ACADL: variants seen among roughly 807,000 people sequenced by gnomAD.
The protein encoded by ACADL is acyl-CoA dehydrogenase long chain.
ACADL carries 60 observed loss-of-function variants against 56.9 expected under a neutral mutation model. That is an observed-to-expected ratio of 1.05 (90% confidence interval 0.86 to 1.31). The LOEUF is 1.31. Ranked by LOEUF, ACADL falls within the 50% of genes most tolerant of loss-of-function variation. The pLI, the probability that ACADL is intolerant of heterozygous loss-of-function variation, is 0.00. For missense variants in ACADL, 484 were observed against 525.5 expected (o/e 0.92, Z 0.77); for synonymous variants, 158 against 179.7 (o/e 0.88, Z 0.97).
chr2:210,205,429 C>A (rs144013404), intron 6 of ACADL, among the ~76,000 whole-genome samples: 126 of 152,156 alleles, frequency 8.3e-4, no homozygotes, highest in East Asian at 4.8e-3. Context: ...ATTCAAAATA[C>A]CTTGATTCAT....
In ACADL at chr2:210,205,637, C is replaced by A. The variant is rs946395644; in HGVS notation, c.763G>T (p.Ala255Ser). The change falls in exon 6 of 11, where the codon GCC (alanine) becomes TCC (serine). Residue 255 changes from alanine (A) to serine (S), a missense_variant. Ala to Ser is a moderately conservative substitution (Grantham distance 99, BLOSUM62 1). Coordinates refer to ENST00000233710, the MANE Select transcript of ACADL (RefSeq NM_001608.4). ...TGATTTACATTATCACTCACCTGGGCTTTTAATCCCATTTTATGTAGCTTT... is the reference window on the plus strand; with the variant it reads ...TGATTTACATTATCACTCACCTGGGATTTTAATCCCATTTTATGTAGCTTT... ...GRKLHKMGLK[A>S]QDTAELFFED... 6.2e-7 allele frequency: 1 copy of A among 1,613,770 alleles called. No homozygotes were observed. The highest frequency in any genetic ancestry group is 8.5e-7 in the Non-Finnish European group (1 of 1,179,822).
chr2:210,210,203 C>G lies in ACADL; in HGVS notation c.596G>C (p.Gly199Ala). 1 of 1,612,014 alleles carries G rather than the reference C, an allele frequency of 6.2e-7. No homozygotes were observed. Among genetic ancestry groups the G allele is most frequent in the Non-Finnish European group, 8.5e-7 (1 of 1,178,344 alleles). Residue 199 changes from glycine to alanine, a missense_variant, in exon 5 of 11, where the codon GGA becomes GCA. Physicochemically the swap from Gly to Ala is moderately conservative, Grantham distance 60. Transcript: ENST00000233710. ...KKDGSDWILNGSKVFISNGSL... is the reference protein window; with the variant it reads ...KKDGSDWILNASKVFISNGSL... Reference sequence around the variant, plus strand: ...AAGTCCTTTTTTACACACCTTGCTTCCATTGAGAATCCAGTCACTTCCATC... The same window carrying G: ...AAGTCCTTTTTTACACACCTTGCTTGCATTGAGAATCCAGTCACTTCCATC...
chr2:210,217,961 T>C lies in ACADL; in HGVS notation c.371+4A>G. On this transcript the variant is annotated splice_donor_region_variant and intron_variant, in intron 3 of 10. Transcript: ENST00000233710. The stretch of plus-strand genomic sequence containing the variant: ...GACTCAACCTTAAAAGTCTCCATAC[T>C]TACTGCTCCTCCCAGACAATAGCTG... The C allele has an allele frequency of 6.2e-7, 1 of 1,614,060 alleles. No homozygotes were observed. The highest frequency in any genetic ancestry group is 1.1e-5 in the South Asian group (1 of 91,078).
intron 1 of ACADL, among the ~76,000 whole-genome samples, chr2:210,221,532 T>C (rs992071164): frequency 3.4e-4 from 51 of 152,212 alleles, no homozygotes; most frequent in African/African-American, 1.1e-3. Context: ...AAAAAACTTA[T>C]CATATATTCA....
rs532791781 is a variant in ACADL, at chr2:210,188,322, G to A, written c.*639C>T. The A allele has an allele frequency of 2.6e-5, 4 of 152,436 alleles. No individual in the cohort carries two copies. The highest frequency in any genetic ancestry group is 4.8e-5 in the African/African-American group (2 of 41,576). The allele number at this position is 152,436 out of a possible 1,614,324, so 9.4% of individuals were successfully genotyped here. ...ATTGACAGAACCAAGGCATTCCCTG[G>A]TCAGGGTTAGGCAAATACTTAGCTG... is the stretch of plus-strand genomic sequence containing the variant. On this transcript the variant is annotated 3_prime_UTR_variant, in exon 11 of 11. Transcript: ENST00000233710.
In ACADL at chr2:210,192,818, C is replaced by T. The variant is rs140931117; in HGVS notation, c.1185G>A (p.Glu395=). 2 of 1,612,798 alleles carry T rather than the reference C, an allele frequency of 1.2e-6. No homozygotes were observed. The highest frequency in any genetic ancestry group is 1.3e-5 in the African/African-American group (1 of 75,004). ...QLHGGWGYMW[E]YPIAKAYVDA... is the part of the protein sequence containing the mutation. ...ACTATACTTACTTTGCAATTGGGTA[C>T]TCCCACATGTATCCCCAACCTCCAT... The change falls in exon 10 of 11, where the codon GAG becomes GAA. Residue 395 remains glutamate, a synonymous_variant. Coordinates refer to ENST00000233710, the MANE Select transcript of ACADL (RefSeq NM_001608.4).
In ACADL at chr2:210,196,702, A is replaced by G. The variant is rs1188423955; in HGVS notation, c.985-1364T>C. Reference sequence around the variant, plus strand: ...AGTTGATTTCTTAGGTCCAAGGCCCAGATATGGTCAGCTGGCCTATCTTCT... The same window carrying G: ...AGTTGATTTCTTAGGTCCAAGGCCCGGATATGGTCAGCTGGCCTATCTTCT... On this transcript the variant is annotated intron_variant, in intron 8 of 10. Transcript: ENST00000233710. 2.6e-5 allele frequency among the ~76,000 whole-genome samples: 4 copies of G among 152,320 alleles called. No homozygotes were observed. In the South Asian group the frequency reaches 8.3e-4, roughly 32 times the overall value.
At chr2:210,190,866 A>G (rs1449804842) in intron 10 of ACADL, among the ~76,000 whole-genome samples, 1 of 151,886 alleles carries the variant, frequency 6.6e-6, no homozygotes, top group Non-Finnish European at 1.5e-5. Context: ...TCTATACATT[A>G]CATCCACATA....
intron 2 of ACADL, 52 bp downstream of exon 2, chr2:210,220,595 G>T: frequency 6.5e-7 from 1 of 1,530,180 alleles, no homozygotes; most frequent in Non-Finnish European, 9.0e-7. Context: ...CTAGGAAATG[G>T]TCCTATAATA....
chr2:210,189,137 T>G, intron 10 of ACADL, 83 bp from the exon 11 acceptor site: 1 of 927,484 alleles, frequency 1.1e-6, no homozygotes, highest in Non-Finnish European at 1.8e-6. Flanking sequence ...TCATAAACTA[T>G]TCAATTAGTG....
intron 8 of ACADL, among the ~76,000 whole-genome samples, chr2:210,203,074 CT>C (rs1262503402): frequency 6.6e-6 from 1 of 152,174 alleles, no homozygotes; most frequent in East Asian, 1.9e-4. Flanking sequence ...TCTCAGTCAT[CT>C]TACAGGCTCC....
chr2:210,210,506 G>A (rs1021453526), intron 4 of ACADL, among the ~76,000 whole-genome samples: 2 of 152,218 alleles, frequency 1.3e-5, no homozygotes, highest in Non-Finnish European at 2.9e-5. Flanking sequence ...TTATACAGTA[G>A]TATAACAAAG....
intron 5 of ACADL, among the ~76,000 whole-genome samples, chr2:210,207,683 T>C (rs1156871452): frequency 6.6e-6 from 1 of 152,192 alleles, no homozygotes; most frequent in East Asian, 1.9e-4. Context: ...AAAATGATGT[T>C]GGTTACTCCC....
chr2:210,213,488 G>A lies in ACADL; in HGVS notation c.536+2859C>T, dbSNP rs139143608. ...GCACTCCAGCCTGGGTGACAAGAGC[G>A]AGACTGTTTAAAAAAAAAAAATTCT... is the stretch of plus-strand genomic sequence containing the variant. On this transcript the variant is annotated intron_variant, in intron 4 of 10. Transcript: ENST00000233710. Among the ~76,000 whole-genome samples the A allele has an allele frequency of 7.5e-3, 1,136 of 151,728 alleles. 6 individuals carry two copies. The highest frequency in any genetic ancestry group is 0.014 in the Middle Eastern group (4 of 290).
intron 7 of ACADL, among the ~76,000 whole-genome samples, chr2:210,203,872 A>G (rs1293908714): frequency 2.0e-5 from 3 of 152,092 alleles, no homozygotes; most frequent in Non-Finnish European, 4.4e-5. Context: ...ATGCAATTTA[A>G]TTTTTCTTCT....
rs797000679 is a variant in ACADL at position 210,222,508 on chromosome 2, C to CAAA, written c.78-1709_78-1707dup. Among the ~76,000 whole-genome samples the CAAA allele has an allele frequency of 2.7e-3, 218 of 81,356 alleles. 1 individual carries two copies. The highest frequency in any genetic ancestry group is 7.7e-3 in the African/African-American group (199 of 26,000). The allele number at this position is 81,356 out of a possible 152,430, so 53.4% of individuals were successfully genotyped here. ...TTGTCACTAAAAACAAACAAACAAA[C>CAAA]AAAAAAAAAAAAAAAAGGAAAAGAA... On this transcript the variant is annotated intron_variant, in intron 1 of 10. Transcript: ENST00000233710.
chr2:210,205,499 C>A, intron 6 of ACADL, 133 bp downstream of exon 6: 1 of 835,750 alleles, frequency 1.2e-6, no homozygotes, highest in Non-Finnish European at 1.9e-6. Context: ...CTCATTACCA[C>A]ATCAGAAAAG....
At chr2:210,189,167 C>A in intron 10 of ACADL, 113 bp from the exon 11 acceptor site, 1 of 718,482 alleles carries the variant, frequency 1.4e-6, no homozygotes, top group Non-Finnish European at 2.4e-6. Context: ...CAATAAAAGT[C>A]CTTCATAAAT....
chr2:210,217,659 G>T, intron 3 of ACADL: 1 of 292,166 alleles, frequency 3.4e-6, no homozygotes, highest in Non-Finnish European at 6.4e-6. Flanking sequence ...TTTCTACTCT[G>T]CTGTTCTCTT....
Sources: gnomAD v4.1 joint callset for allele counts (sites outside exome capture counted in the v4.1 genomes callset) on GRCh38, gnomAD v4.1.1 for gene constraint, MANE v1.5 for transcripts, NCBI Gene and HGNC (gene_info 2026-07-23, HGNC 2026-07-21) for gene names.